The following PDIA6 variants were observed in gnomAD, a reference collection of about 807,000 sequenced individuals.
The protein encoded by PDIA6 is protein disulfide isomerase family A member 6, also known as protein disulfide-isomerase A6.
PDIA6 carries 29 observed loss-of-function variants against 58.4 expected under a neutral mutation model. The observed-to-expected ratio is 0.50, with a 90% CI of 0.37 to 0.68. The LOEUF is 0.68. Among genes scored for constraint, PDIA6 ranks in the 30% least tolerant of loss-of-function variants. The probability of loss-of-function intolerance (pLI) is 0.00; values close to 1 mark genes in which losing one functional copy is unlikely to be tolerated. For missense variants in PDIA6, 480 were observed against 551.0 expected (o/e 0.87, Z 1.29); for synonymous variants, 192 against 202.6 (o/e 0.95, Z 0.44).
chr2:10,803,587 T>G (rs1325068985), intron 1 of PDIA6, among the ~76,000 whole-genome samples: 3 of 152,250 alleles, frequency 2.0e-5, no homozygotes, highest in African/African-American at 7.2e-5. Context: ...CACACAGTTC[T>G]GCCACATTGT....
chr2:10,835,837 G>A (rs1295201745), upstream of PDIA6, among the ~76,000 whole-genome samples: 3 of 152,196 alleles, frequency 2.0e-5, no homozygotes, highest in Non-Finnish European at 4.4e-5. Flanking sequence ...GATCATTTGA[G>A]GTCAGGAGTT....
intron 1 of PDIA6, among the ~76,000 whole-genome samples, chr2:10,827,780 C>T (rs538752332): frequency 7.9e-4 from 119 of 150,716 alleles, no homozygotes; most frequent in Admixed American, 1.1e-3. Flanking sequence ...GCCGAGATCA[C>T]GCCACTGCAC....
intron 1 of PDIA6, among the ~76,000 whole-genome samples, chr2:10,831,617 G>A (rs947423185): frequency 2.0e-5 from 3 of 152,226 alleles, no homozygotes; most frequent in East Asian, 1.9e-4. Context: ...TGTGCCCCTC[G>A]CCTCCACACC....
chr2:10,793,738 C>G (rs1008984585), intron 4 of PDIA6, among the ~76,000 whole-genome samples: 3 of 152,182 alleles, frequency 2.0e-5, no homozygotes, highest in African/African-American at 7.2e-5. Context: ...ATGAGAATAA[C>G]TCACAAATGT....
intron 11 of PDIA6, 114 bp from the exon 12 acceptor site, chr2:10,785,144 C>T: frequency 1.4e-6 from 1 of 711,688 alleles, no homozygotes; most frequent in South Asian, 1.7e-5. Flanking sequence ...AGAGGCATTT[C>T]TTCTCTCTTG....
intron 3 of PDIA6, 26 bp from the exon 4 acceptor site, chr2:10,797,233 A>G (rs1191855020): frequency 1.3e-6 from 2 of 1,598,906 alleles, no homozygotes; most frequent in African/African-American, 1.4e-5. Flanking sequence ...AGAAATAACA[A>G]TTTTTCCTTC....
chr2:10,810,172 C>A lies in PDIA6; in HGVS notation c.19+2506G>T, dbSNP rs923218651. 1.5e-5 allele frequency: 12 copies of A among 778,968 alleles called. No homozygotes were observed. The South Asian group carries it at 1.7e-4, about 11-fold the overall frequency. 48.3% of individuals were successfully genotyped at this position (778,968 alleles called of 1,614,324 possible). ...GCATATATTAAGTCATTTAAGAACC[C>A]TATGTGGTATGTGTCATGGTGCCCA... On this transcript the variant is annotated intron_variant, in intron 1 of 12. Transcript: ENST00000272227.
intron 1 of PDIA6, among the ~76,000 whole-genome samples, chr2:10,820,601 A>C (rs1332961780): frequency 1.3e-5 from 2 of 152,212 alleles, no homozygotes; most frequent in African/African-American, 2.4e-5. Flanking sequence ...TTTTCAGGCT[A>C]TTCTTCGTTA....
At chr2:10,797,260 A>T in intron 3 of PDIA6, 53 bp from the exon 4 acceptor site, 1 of 1,561,692 alleles carries the variant, frequency 6.4e-7, no homozygotes, top group Non-Finnish European at 8.7e-7. Flanking sequence ...AGCAGACTCC[A>T]CAAGAACTCA....
intron 4 of PDIA6, among the ~76,000 whole-genome samples, chr2:10,795,711 T>C (rs553525877): frequency 7.2e-5 from 11 of 152,308 alleles, no homozygotes; most frequent in African/African-American, 2.4e-4. Flanking sequence ...GCAGCCAGGA[T>C]GGGCTGCCTT....
intron 1 of PDIA6, among the ~76,000 whole-genome samples, chr2:10,812,113 T>C (rs955828609): frequency 2.6e-5 from 4 of 152,122 alleles, no homozygotes; most frequent in Admixed American, 1.3e-4. Context: ...TTTCGCCATG[T>C]TGGTCAGGCT....
chr2:10,820,919 C>T, intron 1 of PDIA6: 1 of 699,116 alleles, frequency 1.4e-6, no homozygotes, highest in Non-Finnish European at 2.6e-6. Context: ...AGTGAGCGTC[C>T]TAAGAGTCAG....
chr2:10,786,839 G>A (rs1013219998), intron 11 of PDIA6, among the ~76,000 whole-genome samples: 2 of 152,118 alleles, frequency 1.3e-5, no homozygotes, highest in Non-Finnish European at 2.9e-5. Context: ...GCACATTGTT[G>A]GAGTAACTTA....
At chr2:10,828,270 C>T (rs1048972545) in intron 1 of PDIA6, among the ~76,000 whole-genome samples, 2 of 152,194 alleles carry the variant, frequency 1.3e-5, no homozygotes, top group Admixed American at 6.5e-5. Flanking sequence ...TCATTCCAAC[C>T]TACCCCCAAT....
intron 11 of PDIA6, 78 bp downstream of exon 11, chr2:10,787,203 T>G: frequency 8.2e-7 from 1 of 1,220,862 alleles, no homozygotes; most frequent in Non-Finnish European, 1.2e-6. Flanking sequence ...GGCTTATATA[T>G]ACCTAGTTCC....
chr2:10,807,250 C>T (rs138985020), intron 1 of PDIA6, among the ~76,000 whole-genome samples: 173 of 152,266 alleles, frequency 1.1e-3, no homozygotes, highest in African/African-American at 4.1e-3. Flanking sequence ...GATCTGTCAC[C>T]CAGACTGGAG....
chr2:10,811,875 G>A (rs913810311), intron 1 of PDIA6, among the ~76,000 whole-genome samples: 1 of 152,194 alleles, frequency 6.6e-6, no homozygotes, highest in African/African-American at 2.4e-5. Flanking sequence ...CCTTTCTAAG[G>A]GAACTATGGG....
chr2:10,788,388 C>T (rs1165562763), intron 10 of PDIA6, among the ~76,000 whole-genome samples: 1 of 152,092 alleles, frequency 6.6e-6, no homozygotes, highest in African/African-American at 2.4e-5. Context: ...GGTGCGGTGG[C>T]TTACACCTGT....
At chr2:10,792,165 C>A (rs567589433) in intron 5 of PDIA6, among the ~76,000 whole-genome samples, 14 of 152,286 alleles carry the variant, frequency 9.2e-5, no homozygotes, top group Non-Finnish European at 1.6e-4. Flanking sequence ...ATAACCTGTA[C>A]CTGAATGCTG....
Sources: gnomAD v4.1 joint callset for allele counts (sites outside exome capture counted in the v4.1 genomes callset) on GRCh38, gnomAD v4.1.1 for gene constraint, MANE v1.5 for transcripts, NCBI Gene and HGNC (gene_info 2026-07-23, HGNC 2026-07-21) for gene names.